SLC30A6: variants seen among roughly 807,000 people sequenced by gnomAD.
The protein encoded by SLC30A6 is zinc transporter 6.
Under a neutral mutation model 63.0 loss-of-function variants are expected in SLC30A6, and 55 were observed. The ratio of observed to expected loss-of-function variants is 0.87; its 90% CI spans 0.70 to 1.09. The LOEUF is 1.09. SLC30A6 is among the 50% of genes least tolerant of loss of function. The probability of loss-of-function intolerance (pLI) is 0.00; values close to 1 mark genes in which losing one functional copy is unlikely to be tolerated. For missense variants in SLC30A6, 587 were observed against 549.2 expected, an observed-to-expected ratio of 1.07 and a Z score of -0.69; for synonymous variants, 224 against 186.1, an observed-to-expected ratio of 1.20 and a Z score of -1.66.
rs188549848 is a variant in SLC30A6 at position 32,218,284 on chromosome 2, A to T, written c.886-1929A>T. ...AAGAAAACAAAAAAACAAAACCAAA[A>T]AAACCCATAATTTATGGTAAACACT... On this transcript the variant is annotated intron_variant, in intron 13 of 13. Transcript: ENST00000282587. Among the ~76,000 whole-genome samples, 1,425 of 152,240 alleles carry T rather than the reference A, an allele frequency of 9.4e-3. 25 individuals are homozygous for T. Among genetic ancestry groups the T allele is most frequent in the South Asian group, 0.048 (231 of 4,824 alleles).
chr2:32,201,801 T>C, intron 10 of SLC30A6: 1 of 1,387,784 alleles, frequency 7.2e-7, no homozygotes, highest in Non-Finnish European at 1.0e-6. Flanking sequence ...AGTGCTGGAG[T>C]GACAGAAGGA....
intron 2 of SLC30A6, among the ~76,000 whole-genome samples, chr2:32,173,363 C>T (rs1200765985): frequency 6.6e-6 from 1 of 151,908 alleles, no homozygotes; most frequent in African/African-American, 2.4e-5. Flanking sequence ...TGTTGAACAG[C>T]CAAAGTCAGT....
chr2:32,167,009 A>G (rs1049490919), intron 1 of SLC30A6, among the ~76,000 whole-genome samples: 2 of 151,756 alleles, frequency 1.3e-5, no homozygotes, highest in African/African-American at 4.8e-5. Flanking sequence ...AGCACTCAAG[A>G]TAAAGTCCTG....
At chr2:32,198,286 C>T (rs1683974089) in intron 10 of SLC30A6, among the ~76,000 whole-genome samples, 1 of 152,080 alleles carries the variant, frequency 6.6e-6, no homozygotes, top group Non-Finnish European at 1.5e-5. Context: ...AGAATTTGTC[C>T]TTATTGTTCT....
At chr2:32,216,053 A>G (rs1685676839) in intron 13 of SLC30A6, among the ~76,000 whole-genome samples, 1 of 151,990 alleles carries the variant, frequency 6.6e-6, no homozygotes, top group African/African-American at 2.4e-5. Flanking sequence ...TAGAAAGATT[A>G]TTTTCTTTTG....
intron 10 of SLC30A6, chr2:32,203,097 G>C: frequency 7.6e-7 from 1 of 1,308,786 alleles, no homozygotes; most frequent in South Asian, 1.2e-5. Flanking sequence ...TACACTAAAA[G>C]ACTTCAGAGA....
At chr2:32,216,042 G>A (rs1053931916) in intron 13 of SLC30A6, among the ~76,000 whole-genome samples, 10 of 152,100 alleles carry the variant, frequency 6.6e-5, no homozygotes, top group African/African-American at 2.2e-4. Flanking sequence ...TGTCTTTTTG[G>A]TAGAAAGATT....
intron 4 of SLC30A6, among the ~76,000 whole-genome samples, chr2:32,183,742 C>G (rs771358181): frequency 1.3e-5 from 2 of 148,872 alleles, no homozygotes; most frequent in Non-Finnish European, 3.0e-5. Context: ...ACATATTTAA[C>G]TGGGTCTAAC....
intron 4 of SLC30A6, among the ~76,000 whole-genome samples, chr2:32,181,417 T>A (rs1039152619): frequency 2.6e-5 from 4 of 152,202 alleles, no homozygotes; most frequent in Non-Finnish European, 4.4e-5. Flanking sequence ...CTTCTTAAAA[T>A]TGATGAATTA....
At chr2:32,203,545 C>T in intron 10 of SLC30A6, 1 of 1,605,252 alleles carries the variant, frequency 6.2e-7, no homozygotes, top group Non-Finnish European at 8.5e-7. Flanking sequence ...CTTTGATCAC[C>T]TCTGATAGGG....
intron 2 of SLC30A6, among the ~76,000 whole-genome samples, chr2:32,171,954 A>G (rs765832279): frequency 1.3e-5 from 2 of 152,162 alleles, no homozygotes; most frequent in Non-Finnish European, 1.5e-5. Flanking sequence ...TCGGCCTCCC[A>G]AAGTGCTGGG....
chr2:32,202,868 A>G (rs1558411455), intron 10 of SLC30A6: 2 of 925,344 alleles, frequency 2.2e-6, no homozygotes, highest in Non-Finnish European at 3.6e-6. Flanking sequence ...AAATGACTCA[A>G]AAGGCTGCAG....
At chr2:32,203,305 T>C (rs963050821) in intron 10 of SLC30A6, 6 of 921,400 alleles carry the variant, frequency 6.5e-6, no homozygotes, top group African/African-American at 3.2e-5. Flanking sequence ...AACTAAGATA[T>C]GTGGAACAAA....
chr2:32,222,100 A>G lies in SLC30A6; in HGVS notation c.*1387A>G, dbSNP rs1012841032. On this transcript the variant is annotated 3_prime_UTR_variant, in exon 14 of 14. Coordinates refer to ENST00000282587, the MANE Select transcript of SLC30A6 (RefSeq NM_017964.5). ...TTTCTTTTTGTTTTGCTTTGTCAAA[A>G]ATGGGAAATTGTTAACTGTGATGAA... is the stretch of plus-strand genomic sequence containing the variant. 6.6e-6 allele frequency: 1 copy of G among 152,196 alleles called. No homozygotes were observed. Among genetic ancestry groups the G allele is most frequent in the Non-Finnish European group, 1.5e-5 (1 of 68,042 alleles). 9.4% of individuals were successfully genotyped at this position (152,196 alleles called of 1,614,324 possible).
At chr2:32,203,857 T>G (rs2148881119) in intron 10 of SLC30A6, 1 of 1,218,032 alleles carries the variant, frequency 8.2e-7, no homozygotes, top group East Asian at 2.3e-5. Context: ...AAGTGGCCAG[T>G]CGGGCCGATC....
At chr2:32,204,811 A>T (rs1473964387) in intron 11 of SLC30A6, 119 bp downstream of exon 11, 20 of 183,064 alleles carry the variant, frequency 1.1e-4, no homozygotes, top group East Asian at 2.6e-4. Context: ...TTTAATTTTA[A>T]TTTTTTTTTT....
intron 10 of SLC30A6, among the ~76,000 whole-genome samples, chr2:32,199,307 G>A (rs553958917): frequency 1.4e-4 from 22 of 152,308 alleles, no homozygotes; most frequent in Middle Eastern, 3.4e-3. Context: ...CTGTGAACAC[G>A]AGTGTACAAA....
At chr2:32,210,440 G>A (rs1367175501) in intron 13 of SLC30A6, among the ~76,000 whole-genome samples, 9 of 145,960 alleles carry the variant, frequency 6.2e-5, no homozygotes, top group South Asian at 4.4e-4. Context: ...TCTTGAACCC[G>A]GGAGGCAGAG....
rs1180477504 is a variant in SLC30A6 at position 32,166,673 on chromosome 2, A to T, written c.3+770A>T. 4.6e-5 allele frequency among the ~76,000 whole-genome samples: 7 copies of T among 152,246 alleles called. No individual in the cohort carries two copies. In the East Asian group the frequency reaches 1.3e-3, roughly 29 times the overall value. On this transcript the variant is annotated intron_variant, in intron 1 of 13. Transcript: ENST00000282587. ...GAAAATGCATTTATTAGAAAAATTT[A>T]TGGAGTACTTATTGATAGCCTACGT...
Sources: gnomAD v4.1 joint callset for allele counts (sites outside exome capture counted in the v4.1 genomes callset) on GRCh38, gnomAD v4.1.1 for gene constraint, MANE v1.5 for transcripts, NCBI Gene and HGNC (gene_info 2026-07-23, HGNC 2026-07-21) for gene names.